ADAMTS17: variants seen among roughly 807,000 people sequenced by gnomAD.
The protein encoded by ADAMTS17 is A disintegrin and metalloproteinase with thrombospondin motifs 17.
ADAMTS17 carries 113 observed loss-of-function variants against 141.5 expected under a neutral mutation model. The observed-to-expected ratio is 0.80, with a 90% CI of 0.69 to 0.93. The LOEUF (loss-of-function observed/expected upper bound fraction) is 0.93, where lower values mean the gene tolerates loss of function less well. Ranked by LOEUF, ADAMTS17 falls within the 40% of genes least tolerant of loss-of-function variation. The pLI is 0.00. For synonymous variants in ADAMTS17, 768 were observed against 630.6 expected, an observed-to-expected ratio of 1.22 and a Z score of -3.27; for missense variants, 1,659 against 1,517.9, an observed-to-expected ratio of 1.09 and a Z score of -1.54.
chr15:100,111,716 G>T (rs138795937), intron 13 of ADAMTS17, among the ~76,000 whole-genome samples: 1 of 152,378 alleles, frequency 6.6e-6, no homozygotes, highest in African/African-American at 2.4e-5. Flanking sequence ...TTGCTCAACA[G>T]CTGCAGTAGT....
chr15:100,107,351 G>C (rs1177068546), intron 14 of ADAMTS17, among the ~76,000 whole-genome samples: 1 of 152,150 alleles, frequency 6.6e-6, no homozygotes, highest in Non-Finnish European at 1.5e-5. Flanking sequence ...TTCTGTGAGG[G>C]CAACGCATGG....
intron 2 of ADAMTS17, chr15:100,338,960 T>C (rs2046285560): frequency 1.0e-6 from 1 of 985,416 alleles, no homozygotes; most frequent in Non-Finnish European, 1.2e-6. Flanking sequence ...CACCTCCAAG[T>C]CACCCCACTG....
At chr15:99,976,675 A>C in intron 20 of ADAMTS17, 4 of 244,314 alleles carry the variant, frequency 1.6e-5, no homozygotes, top group South Asian at 5.4e-5. Flanking sequence ...AGGGAAAGAG[A>C]CCCGAGCTTG....
chr15:100,124,273 G>C (rs1170671457), intron 12 of ADAMTS17, among the ~76,000 whole-genome samples: 1 of 152,174 alleles, frequency 6.6e-6, no homozygotes, highest in Non-Finnish European at 1.5e-5. Context: ...GCCTGTTCTA[G>C]GACTCCTAAA....
At chr15:100,115,614 A>C (rs571741951) in intron 13 of ADAMTS17, among the ~76,000 whole-genome samples, 1 of 152,162 alleles carries the variant, frequency 6.6e-6, no homozygotes, top group Non-Finnish European at 1.5e-5. Context: ...TGAGGCTGCT[A>C]TTCCAGAGAT....
chr15:100,253,673 T>A (rs1596369192), intron 7 of ADAMTS17, among the ~76,000 whole-genome samples: 1 of 152,176 alleles, frequency 6.6e-6, no homozygotes, highest in Middle Eastern at 3.4e-3. Context: ...CCAAGGCAGG[T>A]GGAAGAGATT....
At position 100,155,305 on chromosome 15, in the gene ADAMTS17, G is replaced by A. The variant is rs561318703; in HGVS notation, c.1197C>T (p.His399=). The part of the protein sequence containing the change: ...HELGHNLGMN[H]DDDHSSCAGR... ...CAGCGCAAGATGAGTGGTCATCGTC[G>A]TGGTTCATGCCCAAGCTGTCCAAGA... Residue 399 remains histidine, a synonymous_variant, in exon 9 of 22, where the codon CAC becomes CAT. Coordinates refer to ENST00000268070, the MANE Select transcript of ADAMTS17 (RefSeq NM_139057.4). 27 of 1,613,834 alleles carry A rather than the reference G, an allele frequency of 1.7e-5. 1 individual carries two copies. The highest frequency in any genetic ancestry group is 5.0e-5 in the Admixed American group (3 of 59,978).
chr15:100,123,623 G>A lies in ADAMTS17; in HGVS notation c.1722-6610C>T, dbSNP rs548758860. On this transcript the variant is annotated intron_variant, in intron 12 of 21. Transcript: ENST00000268070. ...TCATAAAACAGCCGACACGCCCAGAGGGCTCCCATTTTGCTGGCCCTTCTA... is the reference window on the plus strand; with the variant it reads ...TCATAAAACAGCCGACACGCCCAGAAGGCTCCCATTTTGCTGGCCCTTCTA... 2.6e-5 allele frequency among the ~76,000 whole-genome samples: 4 copies of A among 152,348 alleles called. 1 individual carries two copies. In the South Asian group the frequency reaches 8.3e-4, roughly 32 times the overall value.
At chr15:100,285,329 A>C (rs2044412033) in intron 3 of ADAMTS17, among the ~76,000 whole-genome samples, 1 of 152,236 alleles carries the variant, frequency 6.6e-6, no homozygotes, top group Non-Finnish European at 1.5e-5. Flanking sequence ...GCAAATATAT[A>C]AACTGTCATT....
intron 15 of ADAMTS17, among the ~76,000 whole-genome samples, chr15:100,068,269 T>C (rs1325601904): frequency 6.6e-6 from 1 of 151,338 alleles, no homozygotes; most frequent in Non-Finnish European, 1.5e-5. Flanking sequence ...TCGAACTGGG[T>C]GGAGCCCACC....
chr15:100,242,343 G>A (rs1479931924), intron 7 of ADAMTS17, among the ~76,000 whole-genome samples: 1 of 152,162 alleles, frequency 6.6e-6, no homozygotes, highest in African/African-American at 2.4e-5. Flanking sequence ...ACTGTCCGTT[G>A]TCCAAAAACA....
chr15:100,078,718 C>G (rs2034541957), intron 15 of ADAMTS17, among the ~76,000 whole-genome samples: 3 of 152,154 alleles, frequency 2.0e-5, no homozygotes, highest in Admixed American at 2.0e-4. Context: ...AATAGTTTAA[C>G]TGGATTGCAT....
chr15:100,025,707 C>T (rs931813252), intron 18 of ADAMTS17, among the ~76,000 whole-genome samples: 1 of 152,246 alleles, frequency 6.6e-6, no homozygotes. Context: ...AGCCACCACG[C>T]CTTTTCTTTC....
At chr15:100,267,987 T>A (rs28863305) in intron 4 of ADAMTS17, among the ~76,000 whole-genome samples, 48,369 of 152,172 alleles carry the variant, frequency 0.32, 8,047 homozygotes, top group South Asian at 0.43. Flanking sequence ...ATTTTATTGT[T>A]GCCATCTTTA....
At chr15:100,138,338 C>A (rs1412981784) in intron 10 of ADAMTS17, among the ~76,000 whole-genome samples, 1 of 152,146 alleles carries the variant, frequency 6.6e-6, no homozygotes, top group African/African-American at 2.4e-5. Flanking sequence ...AAGATTTAAA[C>A]TGTCAAGGTG....
At chr15:100,071,658 C>T (rs988351124) in intron 15 of ADAMTS17, among the ~76,000 whole-genome samples, 3 of 150,260 alleles carry the variant, frequency 2.0e-5, no homozygotes, top group Non-Finnish European at 4.4e-5. Context: ...AGACAAAAAC[C>T]ACATGATTAT....
At chr15:100,263,355 C>T (rs1208370774) in intron 4 of ADAMTS17, among the ~76,000 whole-genome samples, 1 of 152,186 alleles carries the variant, frequency 6.6e-6, no homozygotes, top group African/African-American at 2.4e-5. Context: ...TCAAACTCAG[C>T]CCTGTCCAGC....
chr15:100,294,614 C>G (rs780550511), intron 3 of ADAMTS17, among the ~76,000 whole-genome samples: 2 of 151,638 alleles, frequency 1.3e-5, no homozygotes, highest in African/African-American at 4.8e-5. Flanking sequence ...AGGCTGAGGT[C>G]GGAGGATCAC....
chr15:100,301,998 C>G (rs2045056493), intron 3 of ADAMTS17, among the ~76,000 whole-genome samples: 1 of 152,180 alleles, frequency 6.6e-6, no homozygotes, highest in African/African-American at 2.4e-5. Flanking sequence ...GAACTATATG[C>G]ACTCAGCACA....
Sources: allele counts gnomAD v4.1 joint callset (sites outside exome capture counted in the v4.1 genomes callset), GRCh38; gene constraint gnomAD v4.1.1; transcripts MANE v1.5; gene names NCBI Gene and HGNC (gene_info 2026-07-23, HGNC 2026-07-21).